ADAMTSL1: variants seen among roughly 807,000 people sequenced by gnomAD.
ADAMTSL1 encodes ADAMTS-like protein 1.
ADAMTSL1 carries 126 observed loss-of-function variants against 201.8 expected under a neutral mutation model. The observed-to-expected ratio is 0.62, with a 90% CI of 0.54 to 0.72. ADAMTSL1 has a LOEUF of 0.72. Among genes scored for constraint, ADAMTSL1 ranks in the 30% least tolerant of loss-of-function variants. ADAMTSL1 has a pLI of 0.00. For synonymous variants in ADAMTSL1, 1,121 were observed against 903.4 expected, an observed-to-expected ratio of 1.24 and a Z score of -4.32; for missense variants, 2,679 against 2,277.8, an observed-to-expected ratio of 1.18 and a Z score of -3.59.
chr9:18,389,061 G>C (rs187283370), intron 2 of ADAMTSL1, among the ~76,000 whole-genome samples: 1 of 152,064 alleles, frequency 6.6e-6, no homozygotes, highest in East Asian at 1.9e-4. Flanking sequence ...AGTCCTAATA[G>C]CATTGAATTT....
intron 6 of ADAMTSL1, among the ~76,000 whole-genome samples, chr9:18,637,208 A>G (rs986157869): frequency 3.3e-5 from 5 of 152,102 alleles, no homozygotes; most frequent in African/African-American, 1.2e-4. Flanking sequence ...ATCCTGAACA[A>G]CCCTGTAAAA....
chr9:18,505,351 C>T (rs1018424302), intron 2 of ADAMTSL1, among the ~76,000 whole-genome samples: 2 of 152,132 alleles, frequency 1.3e-5, no homozygotes, highest in African/African-American at 2.4e-5. Context: ...TTTAGTGTTA[C>T]CAAGTACTTT....
intron 2 of ADAMTSL1, among the ~76,000 whole-genome samples, chr9:18,432,857 T>C (rs1255972814): frequency 1.3e-5 from 2 of 152,312 alleles, no homozygotes; most frequent in East Asian, 3.9e-4. Context: ...GTTGTGGGAT[T>C]TAGTGTCTTC....
chr9:18,872,102 C>A (rs1461908264), intron 23 of ADAMTSL1, among the ~76,000 whole-genome samples: 1 of 152,128 alleles, frequency 6.6e-6, no homozygotes, highest in Non-Finnish European at 1.5e-5. Flanking sequence ...TTCCAGAATA[C>A]CCTCCCCTTC....
chr9:18,654,277 C>T (rs1424792686), intron 7 of ADAMTSL1, among the ~76,000 whole-genome samples: 2 of 152,184 alleles, frequency 1.3e-5, no homozygotes, highest in Non-Finnish European at 2.9e-5. Flanking sequence ...ATATTGCTTC[C>T]ATTTATGAAT....
chr9:18,228,211 A>G (rs1830501226), intron 2 of ADAMTSL1, among the ~76,000 whole-genome samples: 1 of 152,182 alleles, frequency 6.6e-6, no homozygotes, highest in African/African-American at 2.4e-5. Context: ...GTGAGAGGAA[A>G]GTCGATCAGC....
At chr9:17,957,909 C>A (rs1312960267) in intron 1 of ADAMTSL1, among the ~76,000 whole-genome samples, 2 of 152,114 alleles carry the variant, frequency 1.3e-5, no homozygotes, top group Non-Finnish European at 2.9e-5. Context: ...GGAAGCGTGG[C>A]CCTGCCAGCA....
rs914484455 is a variant in ADAMTSL1 at position 18,166,196 on chromosome 9, C to T, written c.207+2215C>T. 4.6e-5 allele frequency among the ~76,000 whole-genome samples: 7 copies of T among 151,876 alleles called. No individual in the cohort carries two copies. In the East Asian group the frequency reaches 7.7e-4, roughly 17 times the overall value. On this transcript the variant is annotated intron_variant, in intron 2 of 29. Coordinates refer to the ADAMTSL1 transcript ENST00000680146. ...CCCCTACCAGATTAGCAGCTCTGCTCCTTGAAGACAGGACCTCTGTTGATT... is the reference window on the plus strand; with the variant it reads ...CCCCTACCAGATTAGCAGCTCTGCTTCTTGAAGACAGGACCTCTGTTGATT...
At chr9:17,911,461 A>T (rs1406442247) in intron 1 of ADAMTSL1, among the ~76,000 whole-genome samples, 1 of 68,666 alleles carries the variant, frequency 1.5e-5, no homozygotes, top group African/African-American at 2.9e-5. Context: ...GCGCAAATCC[A>T]TTACTGTTGC....
intron 14 of ADAMTSL1, among the ~76,000 whole-genome samples, chr9:18,708,009 A>G (rs1832329514): frequency 6.6e-6 from 1 of 152,204 alleles, no homozygotes; most frequent in Non-Finnish European, 1.5e-5. Flanking sequence ...TAGATGAGGG[A>G]GCGCCAGCTG....
chr9:18,869,030 C>G (rs1201469886), intron 23 of ADAMTSL1, among the ~76,000 whole-genome samples: 4 of 152,144 alleles, frequency 2.6e-5, no homozygotes, highest in Admixed American at 1.3e-4. Context: ...TGACTGGTGT[C>G]CTTATGGAAA....
At chr9:18,212,176 G>A (rs182493274) in intron 2 of ADAMTSL1, among the ~76,000 whole-genome samples, 1 of 152,098 alleles carries the variant, frequency 6.6e-6, no homozygotes, top group East Asian at 1.9e-4. Context: ...TAATCTACCA[G>A]TTCCTGAAAA....
chr9:18,672,931 G>A (rs973099327), intron 9 of ADAMTSL1, among the ~76,000 whole-genome samples: 2 of 152,156 alleles, frequency 1.3e-5, no homozygotes, highest in African/African-American at 4.8e-5. Flanking sequence ...GATATTAGAT[G>A]GAGTCATGTT....
chr9:18,375,627 C>T (rs1006199281), intron 2 of ADAMTSL1, among the ~76,000 whole-genome samples: 52 of 152,110 alleles, frequency 3.4e-4, no homozygotes, highest in Non-Finnish European at 7.5e-4. Context: ...GGAATGAAGC[C>T]GTGGACCTTC....
intron 1 of ADAMTSL1, among the ~76,000 whole-genome samples, chr9:18,033,140 T>C (rs892624427): frequency 6.6e-6 from 1 of 152,208 alleles, no homozygotes; most frequent in African/African-American, 2.4e-5. Flanking sequence ...GTGTGATAAA[T>C]AGGTCTCTTC....
intron 4 of ADAMTSL1, among the ~76,000 whole-genome samples, chr9:18,607,810 G>A (rs1414040812): frequency 6.6e-6 from 1 of 150,408 alleles, no homozygotes; most frequent in Non-Finnish European, 1.5e-5. Context: ...TCCCACCTAT[G>A]AGTGAGAACA....
intron 4 of ADAMTSL1, among the ~76,000 whole-genome samples, chr9:18,615,601 A>T (rs1235932309): frequency 6.6e-6 from 1 of 152,198 alleles, no homozygotes; most frequent in African/African-American, 2.4e-5. Context: ...TGGTTATGTT[A>T]TTCACCAGCT....
At chr9:18,646,469 G>A (rs527428818) in intron 7 of ADAMTSL1, among the ~76,000 whole-genome samples, 1 of 151,576 alleles carries the variant, frequency 6.6e-6, no homozygotes, top group South Asian at 2.1e-4. Flanking sequence ...TCTTGTGCCA[G>A]TTTTCAAAGG....
intron 13 of ADAMTSL1, among the ~76,000 whole-genome samples, chr9:18,690,911 G>T (rs1831174024): frequency 6.6e-6 from 1 of 152,206 alleles, no homozygotes. Flanking sequence ...AATGATGGAA[G>T]CTAAACTTAC....
Sources: gnomAD v4.1 joint callset for allele counts (sites outside exome capture counted in the v4.1 genomes callset) on GRCh38, gnomAD v4.1.1 for gene constraint, MANE v1.5 for transcripts, NCBI Gene and HGNC (gene_info 2026-07-23, HGNC 2026-07-21) for gene names.